The following UNC79 variants were observed in gnomAD, a reference collection of about 807,000 sequenced individuals.
UNC79 encodes the protein unc-79 subunit of NALCN channel complex.
UNC79 carries 37 observed loss-of-function variants against 283.1 expected under a neutral mutation model. That is an observed-to-expected ratio of 0.13 (90% CI 0.10 to 0.17). The LOEUF is 0.17. UNC79 is among the 10% of genes least tolerant of loss of function. The pLI is 1.00. For synonymous variants in UNC79, 1,107 were observed against 1,200.2 expected (o/e 0.92, Z 1.61); for missense variants, 2,272 against 3,211.1 (o/e 0.71, Z 7.07).
chr14:93,555,534 G>T (rs1395687169), intron 14 of UNC79, among the ~76,000 whole-genome samples: 1 of 152,068 alleles, frequency 6.6e-6, no homozygotes, highest in Non-Finnish European at 1.5e-5. Flanking sequence ...CTCCCAAGTA[G>T]CTGGGACTAC....
At chr14:93,417,217 G>A (rs915940914) in intron 1 of UNC79, among the ~76,000 whole-genome samples, 1 of 151,654 alleles carries the variant, frequency 6.6e-6, no homozygotes, top group East Asian at 1.9e-4. Flanking sequence ...GGCAGGCCTG[G>A]TGGTGACAAA....
At position 93,701,581 on chromosome 14, in the gene UNC79, A is replaced by G. The variant is rs2075534570; in HGVS notation, c.7549-3044A>G. On this transcript the variant is annotated intron_variant, in intron 47 of 48. Coordinates refer to ENST00000555664, the Ensembl canonical transcript of UNC79. ...CCAACCAACTTTACTCCATCATAAC[A>G]TTGCAGAGCCCAAAATAAATCACAT... Among the ~76,000 whole-genome samples, 3 of 152,342 alleles carry G rather than the reference A, an allele frequency of 2.0e-5. No homozygotes were observed. The South Asian group carries it at 6.2e-4, about 32-fold the overall frequency.
intron 31 of UNC79, 184 bp from the exon 35 acceptor site, chr14:93,637,032 C>A (rs187671390): frequency 4.7e-6 from 3 of 642,876 alleles, no homozygotes; most frequent in Non-Finnish European, 5.5e-6. Context: ...AACTGAATGG[C>A]AGGTTTGTAG....
chr14:93,667,198 GAAGGAAGGACA>G (rs2072297811), intron 40 of UNC79, among the ~76,000 whole-genome samples: 1 of 149,164 alleles, frequency 6.7e-6, no homozygotes, highest in Admixed American at 6.6e-5. Flanking sequence ...AGGAGGGAAG[GAAGGAAGGACA>G]AAGGAAGGAA....
chr14:93,662,071 G>T (rs1375353232), intron 39 of UNC79, among the ~76,000 whole-genome samples: 1 of 152,166 alleles, frequency 6.6e-6, no homozygotes, highest in African/African-American at 2.4e-5. Context: ...TCCTTCATGG[G>T]TAGGATTCAG....
chr14:93,419,170 C>CTTT (rs1230763519), intron 1 of UNC79, among the ~76,000 whole-genome samples: 1 of 140,824 alleles, frequency 7.1e-6, no homozygotes, highest in Non-Finnish European at 1.6e-5. Context: ...GGCTCCACAC[C>CTTT]TTTTTTTTTT....
At chr14:93,347,929 C>T (rs2053898192) in intron 1 of UNC79, 1 of 731,104 alleles carries the variant, frequency 1.4e-6, no homozygotes, top group African/African-American at 1.7e-5. Flanking sequence ...GGACAACGGT[C>T]TAGGTGCTCA....
intron 41 of UNC79, among the ~76,000 whole-genome samples, chr14:93,676,631 T>A (rs1384600157): frequency 6.6e-6 from 1 of 152,210 alleles, no homozygotes; most frequent in East Asian, 1.9e-4. Context: ...GTGGCTGATC[T>A]TCTTGGGGTC....
exon 33 of UNC79, chr14:93,641,197 G>C: frequency 1.9e-6 from 3 of 1,613,746 alleles, no homozygotes; most frequent in Non-Finnish European, 1.7e-6. Context: ...GTATGTTTGT[G>C]CCTGCACCTG....
intron 1 of UNC79, among the ~76,000 whole-genome samples, chr14:93,438,439 T>G (rs2056172697): frequency 6.6e-6 from 1 of 152,198 alleles, no homozygotes; most frequent in African/African-American, 2.4e-5. Flanking sequence ...ACAACTTTTC[T>G]TTGATGCCCT....
intron 22 of UNC79, among the ~76,000 whole-genome samples, chr14:93,587,467 A>G (rs1156942530): frequency 6.6e-6 from 1 of 152,246 alleles, no homozygotes; most frequent in Non-Finnish European, 1.5e-5. Flanking sequence ...ATGTATGAGA[A>G]TGAGTCAGTA....
Position 93,531,744 on chromosome 14 carries a change from C to T in UNC79, c.1094-806C>T, listed in dbSNP as rs938991006. 1.3e-5 allele frequency among the ~76,000 whole-genome samples: 2 copies of T among 152,048 alleles called. No homozygotes were observed. The highest frequency in any genetic ancestry group is 2.9e-5 in the Non-Finnish European group (2 of 68,016). ...GATGCTGTAAATATATCACATTAAC[C>T]CAGTGTCATAGTATAATGGGAAGAA... On this transcript the variant is annotated intron_variant, in intron 10 of 48. Coordinates refer to ENST00000555664, the Ensembl canonical transcript of UNC79. This position sits in a 1 kb window ranked among gnomAD's most constrained non-coding sequence, Gnocchi z 4.2.
Position 93,597,339 on chromosome 14 carries a change from C to T in UNC79, c.3191-20C>T. The T allele has an allele frequency of 6.2e-7, 1 of 1,611,700 alleles. No homozygotes were observed. Among genetic ancestry groups the T allele is most frequent in the Admixed American group, 1.7e-5 (1 of 59,876 alleles). On this transcript the variant is annotated intron_variant, in intron 23 of 48. Coordinates refer to ENST00000555664, the Ensembl canonical transcript of UNC79. ...GGTGTGTGTGTATTTACGTATTTTG[C>T]CTTCTCTTTTACATTGCAGTGGAAA...
At chr14:93,343,884 T>C (rs1282241881) in intron 1 of UNC79, among the ~76,000 whole-genome samples, 1 of 152,184 alleles carries the variant, frequency 6.6e-6, no homozygotes, top group African/African-American at 2.4e-5. Context: ...TGAGAATACA[T>C]CGAATCCCAG....
At chr14:93,509,722 A>G (rs2059724357) in intron 7 of UNC79, among the ~76,000 whole-genome samples, 1 of 152,120 alleles carries the variant, frequency 6.6e-6, no homozygotes, top group Admixed American at 6.5e-5. Flanking sequence ...TGGTTCTGCA[A>G]GGTACATCCT....
At chr14:93,513,676 G>A (rs961565732) in intron 7 of UNC79, among the ~76,000 whole-genome samples, 1 of 152,088 alleles carries the variant, frequency 6.6e-6, no homozygotes, top group Non-Finnish European at 1.5e-5. Context: ...GACATTTCAA[G>A]TCGTCTCTTC....
intron 2 of UNC79, among the ~76,000 whole-genome samples, chr14:93,473,111 A>G (rs746330711): frequency 2.6e-5 from 4 of 151,858 alleles, no homozygotes; most frequent in Non-Finnish European, 4.4e-5. Flanking sequence ...TATTCCCATT[A>G]ATTTTTTTTA....
exon 15 of UNC79, chr14:93,571,915 T>C: frequency 6.2e-7 from 1 of 1,614,020 alleles, no homozygotes; most frequent in Non-Finnish European, 8.5e-7. Context: ...CTGGGATAAG[T>C]CCTGTAGCAC....
chr14:93,704,804 A>G, intron 48 of UNC79, 138 bp downstream of exon 51: 3 of 1,106,670 alleles, frequency 2.7e-6, no homozygotes, highest in African/African-American at 1.5e-5. Context: ...CTGATAATGC[A>G]GGAGACCTGT....
Sources: allele counts gnomAD v4.1 joint callset (sites outside exome capture counted in the v4.1 genomes callset), GRCh38; gene constraint gnomAD v4.1.1; non-coding constraint Gnocchi (gnomAD v3.1); transcripts MANE v1.5; gene names NCBI Gene and HGNC (gene_info 2026-07-23, HGNC 2026-07-21).